The following ACACA variants were observed in gnomAD, a reference collection of about 807,000 sequenced individuals.
ACACA encodes acetyl-CoA carboxylase alpha.
A neutral mutation model predicts 296.1 loss-of-function variants in ACACA; 103 were observed. That is an observed-to-expected ratio of 0.35 (90% CI 0.30 to 0.41). ACACA has a LOEUF of 0.41. ACACA is among the 10% of genes least tolerant of loss of function. The pLI is 1.00. For missense variants in ACACA, 1,554 were observed against 2,989.7 expected (o/e 0.52, Z 11.20); for synonymous variants, 953 against 1,038.6 (o/e 0.92, Z 1.58).
At chr17:37,342,436 A>ATAT (rs1187263633) in intron 1 of ACACA, among the ~76,000 whole-genome samples, 22 of 58,196 alleles carry the variant, frequency 3.8e-4, no homozygotes, top group East Asian at 1.7e-3. Flanking sequence ...AAAAAAAAAA[A>ATAT]ATATATATAT....
At chr17:37,155,842 G>A (rs2076219776) in intron 42 of ACACA, 62 bp from the exon 43 acceptor site, 1 of 1,107,122 alleles carries the variant, frequency 9.0e-7, no homozygotes, top group African/African-American at 1.5e-5. Context: ...AGAAGATACA[G>A]CAAAGCATAC....
intron 52 of ACACA, 108 bp downstream of exon 52, chr17:37,111,423 C>T: frequency 2.4e-6 from 2 of 831,816 alleles, no homozygotes; most frequent in South Asian, 1.4e-5. Flanking sequence ...TAAAGATTAT[C>T]ATGAATTTGA....
At chr17:37,125,818 C>G in intron 47 of ACACA, 24 bp from the exon 48 acceptor site, 6 of 1,579,948 alleles carry the variant, frequency 3.8e-6, no homozygotes, top group Non-Finnish European at 5.2e-6. Flanking sequence ...AGAAAGAAAA[C>G]AGAGAATAAG....
chr17:37,255,108 A>T (rs2081169029), intron 14 of ACACA, among the ~76,000 whole-genome samples: 1 of 151,998 alleles, frequency 6.6e-6, no homozygotes, highest in Non-Finnish European at 1.5e-5. Flanking sequence ...CTCAAAAAAA[A>T]AAAAGGAAAA....
intron 16 of ACACA, among the ~76,000 whole-genome samples, chr17:37,250,801 G>A (rs1304255553): frequency 1.3e-5 from 2 of 151,950 alleles, no homozygotes; most frequent in African/African-American, 4.8e-5. Flanking sequence ...CAAGGCGGGT[G>A]GATCACAAGG....
intron 45 of ACACA, among the ~76,000 whole-genome samples, chr17:37,136,434 A>T (rs372440156): frequency 8.5e-5 from 13 of 152,158 alleles, no homozygotes; most frequent in East Asian, 5.8e-4. Flanking sequence ...AAGTACCACA[A>T]CTTGGTAACC....
chr17:37,329,203 C>A (rs2047747430), intron 3 of ACACA, among the ~76,000 whole-genome samples: 1 of 152,094 alleles, frequency 6.6e-6, no homozygotes, highest in Non-Finnish European at 1.5e-5. Context: ...TGAATTAGTT[C>A]AAAAAAACTT....
chr17:37,231,103 G>A, intron 25 of ACACA, among the ~76,000 whole-genome samples: 1 of 152,166 alleles, frequency 6.6e-6, no homozygotes, highest in Non-Finnish European at 1.5e-5. Flanking sequence ...GCTGGGCACA[G>A]TGGCTCATGC....
At chr17:37,343,759 G>A (rs2048489531) in intron 1 of ACACA, among the ~76,000 whole-genome samples, 1 of 131,016 alleles carries the variant, frequency 7.6e-6, no homozygotes, top group Non-Finnish European at 1.6e-5. Flanking sequence ...GTGAGACTCT[G>A]TCTCAAAAAA....
chr17:37,166,897 A>G (rs2076687638), intron 41 of ACACA, among the ~76,000 whole-genome samples: 1 of 152,198 alleles, frequency 6.6e-6, no homozygotes. Flanking sequence ...TGAGGAAATT[A>G]AGGCACAGAG....
In ACACA at chr17:37,125,296, C is replaced by T. The variant is rs147890864; in HGVS notation, c.6041+402G>A. 3.9e-4 allele frequency among the ~76,000 whole-genome samples: 59 copies of T among 151,812 alleles called. No individual in the cohort carries two copies. In the East Asian group the frequency reaches 0.011, roughly 28 times the overall value. ...TGTCACTTAAATAATCTCGGTGCCA[C>T]GAAGAACCTCTTTCCAGTTACATAG... On this transcript the variant is annotated intron_variant, in intron 48 of 55. Coordinates refer to ENST00000616317, the MANE Select transcript of ACACA (RefSeq NM_198834.3).
At chr17:37,315,353 C>T (rs1161243379) in intron 3 of ACACA, among the ~76,000 whole-genome samples, 2 of 152,214 alleles carry the variant, frequency 1.3e-5, no homozygotes, top group Non-Finnish European at 2.9e-5. Context: ...GCTGTATTTA[C>T]TTACAACACT....
chr17:37,111,647 G>A lies in ACACA; in HGVS notation c.6453-4C>T, dbSNP rs749401015. 9.9e-6 allele frequency: 16 copies of A among 1,608,882 alleles called. No homozygotes were observed. The highest frequency in any genetic ancestry group is 1.4e-5 in the Non-Finnish European group (16 of 1,175,442). On this transcript the variant is annotated splice_region_variant and splice_polypyrimidine_tract_variant and intron_variant, in intron 51 of 55. Transcript: ENST00000616317. ...TTCTGGCTCCAGAACAGATCCCCTG[G>A]ATCAGAAAGAAAGAAAAAACAAAAC...
chr17:37,330,523 T>C, intron 2 of ACACA, 98 bp from the exon 3 acceptor site: 1 of 1,502,804 alleles, frequency 6.7e-7, no homozygotes, highest in Non-Finnish European at 9.1e-7. Flanking sequence ...AGCTGAGACG[T>C]GGAAGCAAGG....
At position 37,212,027 on chromosome 17, in the gene ACACA, C is replaced by T. The variant is rs539224011; in HGVS notation, c.3684-1537G>A. ...CTGAACAGAAAACTAACTGCAGATG[C>T]TAATGAGAATAGTTTTCCTTTTACG... On this transcript the variant is annotated intron_variant, in intron 29 of 55. Transcript: ENST00000616317. Among the ~76,000 whole-genome samples the T allele has an allele frequency of 1.2e-4, 19 of 152,234 alleles. No homozygotes were observed. In the East Asian group the frequency reaches 3.5e-3, roughly 28 times the overall value.
chr17:37,382,123 A>G (rs1031380941), intron 1 of ACACA, among the ~76,000 whole-genome samples: 1 of 152,098 alleles, frequency 6.6e-6, no homozygotes, highest in African/African-American at 2.4e-5. Flanking sequence ...CCTGCAATTT[A>G]TCAATAAGAT....
At chr17:37,351,697 GAA>G (rs2147481599) in intron 1 of ACACA, among the ~76,000 whole-genome samples, 1 of 152,244 alleles carries the variant, frequency 6.6e-6, no homozygotes, top group South Asian at 2.1e-4. Context: ...ATGAGGCTGG[GAA>G]AAGTTATCCT....
At chr17:37,157,327 G>T (rs188671889) in intron 42 of ACACA, among the ~76,000 whole-genome samples, 1 of 152,116 alleles carries the variant, frequency 6.6e-6, no homozygotes, top group Non-Finnish European at 1.5e-5. Flanking sequence ...AAGCAGAGTC[G>T]GGTAGAGCCA....
At chr17:37,214,581 G>A (rs2078902579) in intron 29 of ACACA, among the ~76,000 whole-genome samples, 1 of 152,106 alleles carries the variant, frequency 6.6e-6, no homozygotes, top group African/African-American at 2.4e-5. Flanking sequence ...TGACAAGAAG[G>A]GACCTTGGGC....
Sources: gnomAD v4.1 joint callset for allele counts (sites outside exome capture counted in the v4.1 genomes callset) on GRCh38, gnomAD v4.1.1 for gene constraint, MANE v1.5 for transcripts, NCBI Gene and HGNC (gene_info 2026-07-23, HGNC 2026-07-21) for gene names.